The following SCN11A variants were observed in gnomAD, a reference collection of about 807,000 sequenced individuals.
SCN11A encodes the protein sodium channel protein type 11 subunit alpha.
In SCN11A, 122 loss-of-function variants were observed where a neutral mutation model predicts 162.2. The ratio of observed to expected loss-of-function variants is 0.75; its 90% CI spans 0.65 to 0.87. The LOEUF (loss-of-function observed/expected upper bound fraction) is 0.87, where lower values mean the gene tolerates loss of function less well. Ranked by LOEUF, SCN11A falls within the 40% of genes least tolerant of loss-of-function variation. SCN11A has a pLI of 0.00. For synonymous variants in SCN11A, 758 were observed against 751.5 expected (o/e 1.01, Z -0.14); for missense variants, 2,015 against 2,181.6 (o/e 0.92, Z 1.52).
intron 22 of SCN11A, among the ~76,000 whole-genome samples, chr3:38,881,229 C>T (rs1414023040): frequency 6.6e-6 from 1 of 152,198 alleles, no homozygotes; most frequent in South Asian, 2.1e-4. Context: ...CTACATGCTC[C>T]CATGTCACCC....
intron 19 of SCN11A, among the ~76,000 whole-genome samples, chr3:38,892,201 T>G (rs2065511850): frequency 6.6e-6 from 1 of 152,054 alleles, no homozygotes; most frequent in Non-Finnish European, 1.5e-5. Flanking sequence ...CTTTCAAAAA[T>G]GAAGATGAAA....
intron 17 of SCN11A, 138 bp downstream of exon 17, chr3:38,899,756 G>A (rs1157198139): frequency 1.5e-6 from 1 of 654,482 alleles, no homozygotes; most frequent in Non-Finnish European, 2.6e-6. Context: ...ACCTGTGCAG[G>A]AAGAGGAGTG....
chr3:38,871,711 T>C lies in SCN11A; in HGVS notation c.3496-3A>G, dbSNP rs1268757869. 8 of 1,580,182 alleles carry C rather than the reference T, an allele frequency of 5.1e-6. No individual in the cohort carries two copies. Among genetic ancestry groups the C allele is most frequent in the African/African-American group, 1.4e-5 (1 of 72,946 alleles). Reference sequence around the variant, plus strand: ...CCTATGAGAGCATTGACCACCACCTTATGGAAACAAAAGCAAAGAAAACCA... The same window carrying C: ...CCTATGAGAGCATTGACCACCACCTCATGGAAACAAAAGCAAAGAAAACCA... On this transcript the variant is annotated splice_region_variant and splice_polypyrimidine_tract_variant and intron_variant, in intron 24 of 29. Coordinates refer to ENST00000302328, the MANE Select transcript of SCN11A (RefSeq NM_001349253.2).
intron 25 of SCN11A, 108 bp downstream of exon 25, chr3:38,871,337 G>T (rs935085638): frequency 9.1e-7 from 1 of 1,102,254 alleles, no homozygotes; most frequent in Non-Finnish European, 1.3e-6. Flanking sequence ...ATTAGGATTT[G>T]CTTCTATTAT....
chr3:38,949,033 C>CT lies in SCN11A; in HGVS notation c.267+1062dup, dbSNP rs139613044. On this transcript the variant is annotated intron_variant, in intron 5 of 29. Transcript: ENST00000302328. ...GTGGTCCTCATTTGGCCTGGCAACT[C>CT]TAAGTCTATCCCAATTGAAGTACAT... Among the ~76,000 whole-genome samples, 885 of 152,318 alleles carry CT rather than the reference C, an allele frequency of 5.8e-3. 7 individuals carry two copies. The highest frequency in any genetic ancestry group is 0.02 in the African/African-American group (850 of 41,576).
chr3:39,016,148 A>T (rs1000243961), intron 2 of SCN11A, among the ~76,000 whole-genome samples: 2 of 152,216 alleles, frequency 1.3e-5, no homozygotes, highest in Non-Finnish European at 2.9e-5. Flanking sequence ...GCTTCACCTG[A>T]TCCCACAGGG....
chr3:38,957,032 G>A (rs2066690096), intron 3 of SCN11A, among the ~76,000 whole-genome samples: 1 of 151,972 alleles, frequency 6.6e-6, no homozygotes, highest in Admixed American at 6.6e-5. Context: ...TCTCCCATAG[G>A]GACAATTCAA....
intron 23 of SCN11A, among the ~76,000 whole-genome samples, chr3:38,872,981 C>T (rs2065153649): frequency 6.6e-6 from 1 of 152,070 alleles, no homozygotes; most frequent in Non-Finnish European, 1.5e-5. Context: ...TAATATTTCC[C>T]CTAATCCAAA....
intron 28 of SCN11A, among the ~76,000 whole-genome samples, chr3:38,859,913 A>C (rs1223628252): frequency 2.0e-5 from 3 of 152,204 alleles, no homozygotes; most frequent in Non-Finnish European, 4.4e-5. Flanking sequence ...CCTGGGCTCC[A>C]AGAGTCTGAA....
chr3:38,904,593 G>A lies in SCN11A; in HGVS notation c.1604-490C>T, dbSNP rs551442903. On this transcript the variant is annotated intron_variant, in intron 15 of 29. Transcript: ENST00000302328. ...GACCATCCCTGATTTCCCTGGCACC[G>A]CTGCAGGGACACATGCAGGGCAAAC... is the stretch of plus-strand genomic sequence containing the variant. Among the ~76,000 whole-genome samples the A allele has an allele frequency of 2.0e-3, 298 of 152,156 alleles. 1 individual carries two copies. Among genetic ancestry groups the A allele is most frequent in the Non-Finnish European group, 2.5e-3 (171 of 68,010 alleles).
At chr3:38,928,937 T>C (rs535317107) in intron 7 of SCN11A, among the ~76,000 whole-genome samples, 1 of 152,226 alleles carries the variant, frequency 6.6e-6, no homozygotes, top group East Asian at 1.9e-4. Flanking sequence ...CTTCTAGGTA[T>C]ATGTATAAAA....
chr3:38,882,018 A>C (rs1233603818), intron 22 of SCN11A, among the ~76,000 whole-genome samples: 1 of 152,222 alleles, frequency 6.6e-6, no homozygotes, highest in Non-Finnish European at 1.5e-5. Flanking sequence ...CCTACACTTG[A>C]GTAACAGTAG....
intron 2 of SCN11A, among the ~76,000 whole-genome samples, chr3:39,012,480 CTCTT>C (rs201706541): frequency 0.04 from 5,611 of 138,950 alleles, 228 homozygotes; most frequent in African/African-American, 0.1. Context: ...CTCTCTTTCT[CTCTT>C]TCTTTTTTTT....
intron 27 of SCN11A, 96 bp downstream of exon 27, chr3:38,867,224 GC>G: frequency 8.4e-7 from 1 of 1,184,562 alleles, no homozygotes; most frequent in Non-Finnish European, 1.2e-6. Context: ...GATCATAAAG[GC>G]TACTTTGTAT....
rs113212750 is a variant in SCN11A, at chr3:38,902,147, A to G, written c.1842+1718T>C. On this transcript the variant is annotated intron_variant, in intron 16 of 29. Transcript: ENST00000302328. ...ACTTATTCAGTAACTCCATTCCACC[A>G]GGAGGTGCTAAAAGGTGGAGTCTGC... is the stretch of plus-strand genomic sequence containing the variant. Among the ~76,000 whole-genome samples, 1,353 of 152,304 alleles carry G rather than the reference A, an allele frequency of 8.9e-3. 6 individuals are homozygous for G. The highest frequency in any genetic ancestry group is 0.014 in the Non-Finnish European group (936 of 68,012).
intron 21 of SCN11A, among the ~76,000 whole-genome samples, chr3:38,884,246 C>T (rs189356032): frequency 4.3e-4 from 65 of 152,002 alleles, no homozygotes; most frequent in African/African-American, 1.3e-3. Flanking sequence ...CCCACTCCTC[C>T]CTTCTTTGAT....
At chr3:38,867,589 C>T in intron 26 of SCN11A, 131 bp from the exon 27 acceptor site, 1 of 653,830 alleles carries the variant, frequency 1.5e-6, no homozygotes, top group Non-Finnish European at 2.6e-6. Flanking sequence ...TTCCTAACAG[C>T]CATAGCCCCT....
At chr3:39,018,546 C>T (rs1477989638) in intron 2 of SCN11A, among the ~76,000 whole-genome samples, 1 of 152,198 alleles carries the variant, frequency 6.6e-6, no homozygotes. Context: ...GGGCCAGGCG[C>T]GGTGGCTCAA....
chr3:38,868,971 A>C (rs1005437285), intron 26 of SCN11A, among the ~76,000 whole-genome samples: 1 of 152,150 alleles, frequency 6.6e-6, no homozygotes, highest in Non-Finnish European at 1.5e-5. Flanking sequence ...ACTGCCAGGG[A>C]CCATGGGGAG....
Sources: gnomAD v4.1 joint callset for allele counts (sites outside exome capture counted in the v4.1 genomes callset) on GRCh38, gnomAD v4.1.1 for gene constraint, MANE v1.5 for transcripts, NCBI Gene and HGNC (gene_info 2026-07-23, HGNC 2026-07-21) for gene names.